The following MEGF6 variants were observed in gnomAD, a reference collection of about 807,000 sequenced individuals.
The protein encoded by MEGF6 is multiple epidermal growth factor-like domains protein 6.
In MEGF6, 184 loss-of-function variants were observed where a neutral mutation model predicts 207.1. The observed-to-expected ratio is 0.89, with a 90% CI of 0.79 to 1.00. The LOEUF is 1.00. MEGF6 is among the 50% of genes least tolerant of loss of function. MEGF6 has a pLI of 0.00. For synonymous variants in MEGF6, 1,038 were observed against 910.0 expected (o/e 1.14, Z -2.53); for missense variants, 2,282 against 2,202.9 (o/e 1.04, Z -0.72).
chr1:3,517,747 G>A (rs1641600820), intron 5 of MEGF6, among the ~76,000 whole-genome samples: 1 of 152,240 alleles, frequency 6.6e-6, no homozygotes, highest in Admixed American at 6.5e-5. Context: ...CGGCAAAGCT[G>A]AGTGTGCCCA....
Position 3,506,097 on chromosome 1 carries a change from G to A in MEGF6, c.1918+11C>T. 6.3e-7 allele frequency: 1 copy of A among 1,583,654 alleles called. No homozygotes were observed. Among genetic ancestry groups the A allele is most frequent in the Non-Finnish European group, 8.6e-7 (1 of 1,165,084 alleles). On this transcript the variant is annotated intron_variant, in intron 15 of 36. Transcript: ENST00000356575. ...ACCACCATGGACACTGGAAGGGGCA[G>A]TGAGACTCACTGAGGTGGCAGAAGC...
intron 4 of MEGF6, among the ~76,000 whole-genome samples, chr1:3,547,922 A>G (rs902850601): frequency 2.6e-5 from 4 of 152,122 alleles, no homozygotes; most frequent in Non-Finnish European, 5.9e-5. Context: ...GAATCAAGTG[A>G]CCTGCCTTGA....
Position 3,575,738 on chromosome 1 carries a change from C to T in MEGF6, c.481+4087G>A, listed in dbSNP as rs111723314. Among the ~76,000 whole-genome samples the T allele has an allele frequency of 6.1e-3, 930 of 152,260 alleles. 10 individuals carry two copies. The highest frequency in any genetic ancestry group is 0.02 in the African/African-American group (842 of 41,528). On this transcript the variant is annotated intron_variant, in intron 4 of 36. Transcript: ENST00000356575. Reference sequence around the variant, plus strand: ...CTTATTCACTATCACGAGAACAGCACGGGAAAGACCTGCCCCCATGACTCA... The same window carrying T: ...CTTATTCACTATCACGAGAACAGCATGGGAAAGACCTGCCCCCATGACTCA...
At chr1:3,507,944 G>C (rs41315296) in intron 13 of MEGF6, 21 bp from the exon 14 acceptor site, 2 of 1,604,058 alleles carry the variant, frequency 1.2e-6, no homozygotes, top group Non-Finnish European at 1.7e-6. Flanking sequence ...TGACAGGGAA[G>C]CGTCAGGGTC....
At chr1:3,607,541 G>A (rs532111661) in intron 1 of MEGF6, among the ~76,000 whole-genome samples, 151 of 152,328 alleles carry the variant, frequency 9.9e-4, no homozygotes, top group African/African-American at 2.9e-3. Flanking sequence ...CACCGCACCC[G>A]CACGGCCCCG....
At chr1:3,493,208 C>A (rs1159475363) in intron 34 of MEGF6, 66 of 221,922 alleles carry the variant, frequency 3.0e-4, no homozygotes, top group African/African-American at 1.5e-3. Flanking sequence ...TCAGGTGAGC[C>A]CCTCCTATCC....
intron 4 of MEGF6, among the ~76,000 whole-genome samples, chr1:3,559,522 TAAA>T (rs59799522): frequency 0.11 from 11,370 of 105,252 alleles, 737 homozygotes; most frequent in African/African-American, 0.21. Context: ...CCTTGTCTCT[TAAA>T]AAAAAAAAAA....
At chr1:3,540,895 G>A (rs1236684006) in intron 4 of MEGF6, among the ~76,000 whole-genome samples, 5 of 152,202 alleles carry the variant, frequency 3.3e-5, no homozygotes, top group African/African-American at 4.8e-5. Context: ...TTCAGGTCGC[G>A]GCACCAGATG....
In MEGF6 at chr1:3,560,803, C is replaced by T. The variant is rs1444806909; in HGVS notation, c.481+19022G>A. 18 of 468,876 alleles carry T rather than the reference C, an allele frequency of 3.8e-5. No individual in the cohort carries two copies. In the East Asian group the frequency reaches 5.6e-4, roughly 15 times the overall value. The allele number at this position is 468,876 out of a possible 1,614,324, so 29.0% of individuals were successfully genotyped here. On this transcript the variant is annotated intron_variant, in intron 4 of 36. Coordinates refer to ENST00000356575, the MANE Select transcript of MEGF6 (RefSeq NM_001409.4). The surrounding 1 kb of genome is among the most constrained non-coding windows in gnomAD (Gnocchi z 4.0). ...CCCGGCAGTCCCCTCTGGCAGCCAC[C>T]GGAGCAGCCAGGAACAGCCTCAGGC...
rs1414034305 is a variant in MEGF6, at chr1:3,497,085, C to T, written c.3516G>A (p.Ala1172=). The T allele has an allele frequency of 2.5e-5, 40 of 1,572,724 alleles. No individual in the cohort carries two copies. The highest frequency in any genetic ancestry group is 1.2e-4 in the East Asian group (5 of 42,806). Reference sequence around the variant, plus strand: ...TCTCACCGGGACACTGGCACATCTGCGCACAGTCCTCCCCAAAGCTGCCGG... The same window carrying T: ...TCTCACCGGGACACTGGCACATCTGTGCACAGTCCTCCCCAAAGCTGCCGG... ...CPPGSFGEDC[A]QMCQCPGENP... The change falls in exon 28 of 37, where the codon GCG becomes GCA. Residue 1172 remains alanine (A), a synonymous_variant. Coordinates refer to ENST00000356575, the MANE Select transcript of MEGF6 (RefSeq NM_001409.4).
intron 4 of MEGF6, among the ~76,000 whole-genome samples, chr1:3,529,136 C>T (rs1232254468): frequency 1.3e-5 from 2 of 152,332 alleles, no homozygotes; most frequent in African/African-American, 4.8e-5. Flanking sequence ...CCTTTGCAGA[C>T]CTGTGATCCA....
At chr1:3,601,098 C>G (rs2101875476) in intron 2 of MEGF6, among the ~76,000 whole-genome samples, 1 of 152,342 alleles carries the variant, frequency 6.6e-6, no homozygotes, top group East Asian at 1.9e-4. Context: ...GCTGAGGACC[C>G]CGGCACATCG....
At position 3,542,847 on chromosome 1, in the gene MEGF6, G is replaced by C. The variant is rs537020936; in HGVS notation, c.482-18601C>G. Among the ~76,000 whole-genome samples, 7 of 152,244 alleles carry C rather than the reference G, an allele frequency of 4.6e-5. No homozygotes were observed. The South Asian group carries it at 1.4e-3, about 32-fold the overall frequency. On this transcript the variant is annotated intron_variant, in intron 4 of 36. Coordinates refer to ENST00000356575, the MANE Select transcript of MEGF6 (RefSeq NM_001409.4). ...TGGCATCCTCAAAGTGGCTTCCCTGGAAGGCCTGGGCCATCCTGGAGGTGA... is the reference window on the plus strand; with the variant it reads ...TGGCATCCTCAAAGTGGCTTCCCTGCAAGGCCTGGGCCATCCTGGAGGTGA...
intron 4 of MEGF6, among the ~76,000 whole-genome samples, chr1:3,529,665 T>C (rs1032428379): frequency 1.3e-5 from 2 of 152,154 alleles, no homozygotes; most frequent in African/African-American, 4.8e-5. Flanking sequence ...AGACCTGCAG[T>C]GTCTACCAGG....
At position 3,506,214 on chromosome 1, in the gene MEGF6, G is replaced by C; in HGVS notation, c.1812C>G (p.Gly604=). Residue 604 remains glycine, a synonymous_variant, in exon 15 of 37, where the codon GGC becomes GGG. Transcript: ENST00000356575. ...AGTTGCATTTCTTGCGACAGTGCTTGCCATAGTAGCCCTTGGGGCAGCCTG... is the reference window on the plus strand; with the variant it reads ...AGTTGCATTTCTTGCGACAGTGCTTCCCATAGTAGCCCTTGGGGCAGCCTG... The part of the protein sequence containing the change: ...CEDGCPKGYY[G]KHCRKKCNCA... 1 of 1,608,474 alleles carries C rather than the reference G, an allele frequency of 6.2e-7. No individual in the cohort carries two copies. Among genetic ancestry groups the C allele is most frequent in the Non-Finnish European group, 8.5e-7 (1 of 1,177,998 alleles).
chr1:3,564,372 G>A (rs1303194606), intron 4 of MEGF6, among the ~76,000 whole-genome samples: 3 of 152,108 alleles, frequency 2.0e-5, no homozygotes, highest in African/African-American at 7.2e-5. Flanking sequence ...GTAAAGCGGG[G>A]GGTTGTCTTT....
the MEGF6 span, among the ~76,000 whole-genome samples, chr1:3,621,215 C>T: frequency 6.6e-6 from 1 of 152,214 alleles, no homozygotes; most frequent in African/African-American, 2.4e-5. Context: ...AAGGGAGACT[C>T]CTTTTCCTGG....
chr1:3,611,419 C>G lies in MEGF6; in HGVS notation c.-151G>C, dbSNP rs1378704123. 1.8e-6 allele frequency: 2 copies of G among 1,128,698 alleles called. No individual in the cohort carries two copies. The highest frequency in any genetic ancestry group is 2.3e-6 in the Non-Finnish European group (2 of 867,948). The allele number at this position is 1,128,698 out of a possible 1,614,324, so 69.9% of individuals were successfully genotyped here. ...AGGTCGCTGCAGGTGCGGAGCGTCC[C>G]GGCTTCCCGCCCGCGCCCAAAGTGG... On this transcript the variant is annotated 5_prime_UTR_variant, in exon 1 of 37. Coordinates refer to ENST00000356575, the MANE Select transcript of MEGF6 (RefSeq NM_001409.4).
At chr1:3,496,818 C>G in intron 28 of MEGF6, 35 bp from the exon 29 acceptor site, 1 of 1,544,178 alleles carries the variant, frequency 6.5e-7, no homozygotes, top group Non-Finnish European at 8.7e-7. Flanking sequence ...GGGGCTGGGG[C>G]TGGAGGCTTC....
Sources: gnomAD v4.1 joint callset for allele counts (sites outside exome capture counted in the v4.1 genomes callset) on GRCh38, gnomAD v4.1.1 for gene constraint, Gnocchi (gnomAD v3.1) non-coding constraint, MANE v1.5 for transcripts, NCBI Gene and HGNC (gene_info 2026-07-23, HGNC 2026-07-21) for gene names.